ROBO2: variants seen among roughly 807,000 people sequenced by gnomAD.
The protein encoded by ROBO2 is roundabout homolog 2.
In ROBO2, 53 loss-of-function variants were observed where a neutral mutation model predicts 160.8. The ratio of observed to expected loss-of-function variants is 0.33; its 90% CI spans 0.26 to 0.41. The LOEUF is 0.41. ROBO2 is among the 10% of genes least tolerant of loss of function. The probability of loss-of-function intolerance (pLI) is 1.00; values close to 1 mark genes in which losing one functional copy is unlikely to be tolerated. For synonymous variants in ROBO2, 664 were observed against 611.7 expected (o/e 1.09, Z -1.26); for missense variants, 1,577 against 1,722.4 (o/e 0.92, Z 1.49).
chr3:76,299,699 A>G (rs933245078), intron 2 of ROBO2, among the ~76,000 whole-genome samples: 4 of 152,164 alleles, frequency 2.6e-5, no homozygotes, highest in Non-Finnish European at 4.4e-5. Flanking sequence ...TTGCAATAAA[A>G]GGTGAGAGAT....
intron 2 of ROBO2, among the ~76,000 whole-genome samples, chr3:77,291,476 G>T (rs1247129277): frequency 6.6e-6 from 1 of 151,756 alleles, no homozygotes; most frequent in African/African-American, 2.4e-5. Flanking sequence ...AAACGGGTAG[G>T]CTGAGGCTAG....
chr3:76,012,023 AT>A (rs2066209333), intron 2 of ROBO2, among the ~76,000 whole-genome samples: 1 of 152,196 alleles, frequency 6.6e-6, no homozygotes, highest in South Asian at 2.1e-4. Context: ...AGATTCTTTA[AT>A]TTCTAATTTA....
chr3:76,057,750 T>C (rs1285423640), intron 2 of ROBO2, among the ~76,000 whole-genome samples: 1 of 151,886 alleles, frequency 6.6e-6, no homozygotes, highest in Non-Finnish European at 1.5e-5. Flanking sequence ...CTTTGTCTTA[T>C]CTTTCCTTGT....
At chr3:77,648,871 G>A (rs946760913) in exon 26 of ROBO2, 1 of 152,124 alleles carries the variant, frequency 6.6e-6, no homozygotes, top group African/African-American at 2.4e-5. Flanking sequence ...CCTGCATAAG[G>A]ACTGCAAGAG....
chr3:76,743,442 T>A (rs1301985169), intron 2 of ROBO2, among the ~76,000 whole-genome samples: 1 of 152,064 alleles, frequency 6.6e-6, no homozygotes, highest in Non-Finnish European at 1.5e-5. Flanking sequence ...TACATGTACA[T>A]CCTGAATCTG....
intron 2 of ROBO2, among the ~76,000 whole-genome samples, chr3:76,032,612 T>G (rs1412458498): frequency 3.3e-5 from 5 of 152,248 alleles, no homozygotes; most frequent in African/African-American, 1.2e-4. Context: ...ATTTTGTTAT[T>G]TTTCCAGTAG....
chr3:77,491,263 A>G (rs2086073029), intron 4 of ROBO2, among the ~76,000 whole-genome samples: 1 of 152,184 alleles, frequency 6.6e-6, no homozygotes, highest in Non-Finnish European at 1.5e-5. Context: ...TCCCAGTGTC[A>G]GGATGTAGTA....
chr3:76,341,998 A>G (rs1207710248), intron 2 of ROBO2, among the ~76,000 whole-genome samples: 1 of 152,174 alleles, frequency 6.6e-6, no homozygotes, highest in Non-Finnish European at 1.5e-5. Context: ...TAAAATTTGG[A>G]AAGCTGTCTT....
chr3:76,172,027 A>G (rs1051369404), intron 2 of ROBO2, among the ~76,000 whole-genome samples: 2 of 152,002 alleles, frequency 1.3e-5, no homozygotes, highest in African/African-American at 4.8e-5. Flanking sequence ...TTCCAGGTCA[A>G]CTCCTAAGTT....
chr3:76,108,364 A>G (rs1372778473), intron 2 of ROBO2, among the ~76,000 whole-genome samples: 11 of 152,082 alleles, frequency 7.2e-5, no homozygotes, highest in Admixed American at 7.2e-4. Flanking sequence ...AATCTCACCA[A>G]TAAATTACAT....
At chr3:76,730,228 C>CTCCTACTCCCTACCCGCT (rs2093615588) in intron 2 of ROBO2, among the ~76,000 whole-genome samples, 1 of 35,602 alleles carries the variant, frequency 2.8e-5, no homozygotes, top group African/African-American at 9.3e-5. Flanking sequence ...CCCTACCCAC[C>CTCCTACTCCCTACCCGCT]TCTCCTCACC....
chr3:77,135,077 G>T (rs572361209), intron 2 of ROBO2, among the ~76,000 whole-genome samples: 16 of 152,098 alleles, frequency 1.1e-4, no homozygotes, highest in Admixed American at 9.8e-4. Flanking sequence ...GAGTGTTTCC[G>T]TAGATCAGCC....
At chr3:77,618,090 A>C in intron 22 of ROBO2, 1 of 351,604 alleles carries the variant, frequency 2.8e-6, no homozygotes, top group East Asian at 6.8e-5. Flanking sequence ...CTACACCAGA[A>C]TCTTTTCTAA....
chr3:77,132,643 G>A (rs973864272), intron 2 of ROBO2, among the ~76,000 whole-genome samples: 3 of 151,608 alleles, frequency 2.0e-5, no homozygotes, highest in African/African-American at 7.3e-5. Context: ...ATTGCAAATA[G>A]ATGAGTAGAA....
At chr3:77,289,979 A>T (rs1441586338) in intron 2 of ROBO2, among the ~76,000 whole-genome samples, 1 of 152,116 alleles carries the variant, frequency 6.6e-6, no homozygotes, top group Non-Finnish European at 1.5e-5. Flanking sequence ...AGTAAAATTG[A>T]TGGTTAAACG....
intron 2 of ROBO2, among the ~76,000 whole-genome samples, chr3:76,852,200 G>A (rs1370680229): frequency 6.6e-6 from 1 of 152,140 alleles, no homozygotes; most frequent in Non-Finnish European, 1.5e-5. Context: ...AAAAACTGGA[G>A]AAAAGCATTT....
chr3:77,531,165 G>A (rs566932531), intron 6 of ROBO2, among the ~76,000 whole-genome samples: 57 of 152,058 alleles, frequency 3.7e-4, no homozygotes, highest in South Asian at 1.0e-3. Context: ...AGTACTTCAC[G>A]TGAAACTTGT....
intron 2 of ROBO2, chr3:77,317,134 C>T (rs935052112): frequency 8.7e-7 from 1 of 1,147,628 alleles, no homozygotes; most frequent in Admixed American, 1.7e-5. Context: ...ACTTTGCAGT[C>T]TCAAAACGCA....
chr3:76,357,932 TAAAG>T (rs1455325879), intron 2 of ROBO2, among the ~76,000 whole-genome samples: 1 of 150,840 alleles, frequency 6.6e-6, no homozygotes, highest in Admixed American at 6.6e-5. Context: ...TGCTTACCCA[TAAAG>T]AAAACAGTCA....
Sources: gnomAD v4.1 joint callset for allele counts (sites outside exome capture counted in the v4.1 genomes callset) on GRCh38, gnomAD v4.1.1 for gene constraint, MANE v1.5 for transcripts, NCBI Gene and HGNC (gene_info 2026-07-23, HGNC 2026-07-21) for gene names.